Variants in SPATA17 observed in about 807,000 individuals in gnomAD.
The protein encoded by SPATA17 is spermatogenesis-associated protein 17.
Under a neutral mutation model 62.2 loss-of-function variants are expected in SPATA17, and 53 were observed. That is an observed-to-expected ratio of 0.85 (90% confidence interval 0.68 to 1.07). The LOEUF is 1.07. SPATA17 is among the 50% of genes least tolerant of loss of function. SPATA17 has a pLI of 0.00. For missense variants in SPATA17, 466 were observed against 425.5 expected (o/e 1.10, Z -0.84); for synonymous variants, 146 against 146.8 (o/e 0.99, Z 0.04).
Position 217,870,687 on chromosome 1 carries a change from A to G in SPATA17, c.*3668A>G, listed in dbSNP as rs1323322624. ...ACTACTGACCACTAAAAACACTAAG[A>G]GTACCACTGTGGATGTTTAAAAACA... On this transcript the variant is annotated 3_prime_UTR_variant, in exon 11 of 11. Transcript: ENST00000366933. The G allele has an allele frequency of 6.6e-6, 1 of 152,176 alleles. No homozygotes were observed. The highest frequency in any genetic ancestry group is 1.5e-5 in the Non-Finnish European group (1 of 68,032). The allele number at this position is 152,176 out of a possible 1,614,324, so 9.4% of individuals were successfully genotyped here.
At position 217,681,329 on chromosome 1, in the gene SPATA17, A is replaced by T. The variant is rs558741461; in HGVS notation, c.292-1929A>T. Among the ~76,000 whole-genome samples the T allele has an allele frequency of 9.9e-5, 15 of 152,194 alleles. No individual in the cohort carries two copies. The South Asian group carries it at 3.1e-3, about 32-fold the overall frequency. On this transcript the variant is annotated intron_variant, in intron 4 of 10. Coordinates refer to ENST00000366933, the MANE Select transcript of SPATA17 (RefSeq NM_138796.4). ...ATTTCCAGTTAGTTTAGTAATTCTCATATGGGGAGTCTGACAAAAACACTC... is the reference window on the plus strand; with the variant it reads ...ATTTCCAGTTAGTTTAGTAATTCTCTTATGGGGAGTCTGACAAAAACACTC...
At chr1:217,852,599 A>C (rs1029298546) in intron 9 of SPATA17, among the ~76,000 whole-genome samples, 1 of 152,196 alleles carries the variant, frequency 6.6e-6, no homozygotes, top group African/African-American at 2.4e-5. Flanking sequence ...ACGCTGTTTC[A>C]TTGCTTGATG....
intron 1 of SPATA17, among the ~76,000 whole-genome samples, chr1:217,637,162 C>T (rs932038433): frequency 6.6e-6 from 1 of 152,174 alleles, no homozygotes; most frequent in Non-Finnish European, 1.5e-5. Context: ...ATATCTACTA[C>T]ATGCTGAGCA....
rs1222300636 is a variant in SPATA17, at chr1:217,869,122, G to C, written c.*2103G>C. On this transcript the variant is annotated 3_prime_UTR_variant, in exon 11 of 11. Transcript: ENST00000366933. Reference sequence around the variant, plus strand: ...TACAACTTGGTTTTATACATTTTAAGGAGACATAAGACATCAATAAATACA... The same window carrying C: ...TACAACTTGGTTTTATACATTTTAACGAGACATAAGACATCAATAAATACA... 1.3e-5 allele frequency: 2 copies of C among 152,262 alleles called. No individual in the cohort carries two copies. The highest frequency in any genetic ancestry group is 1.3e-4 in the Admixed American group (2 of 15,270). 9.4% of individuals were successfully genotyped at this position (152,262 alleles called of 1,614,324 possible). A position where few individuals can be genotyped will look rare whatever the true frequency, so the allele number is the denominator to read the frequency against.
At chr1:217,750,547 C>A (rs1010593283) in intron 6 of SPATA17, among the ~76,000 whole-genome samples, 2 of 152,168 alleles carry the variant, frequency 1.3e-5, no homozygotes, top group Admixed American at 6.5e-5. Context: ...AAAACCAATT[C>A]TTAATTCGTA....
chr1:217,682,654 T>C (rs1671113932), intron 4 of SPATA17, among the ~76,000 whole-genome samples: 1 of 152,128 alleles, frequency 6.6e-6, no homozygotes, highest in Non-Finnish European at 1.5e-5. Flanking sequence ...GTAAATGAGG[T>C]AATGAGTATT....
intron 7 of SPATA17, chr1:217,781,362 C>T (rs1011173052): frequency 7.2e-5 from 11 of 152,124 alleles, no homozygotes; most frequent in Non-Finnish European, 1.2e-4. Flanking sequence ...CTCTCCTATA[C>T]GACAGTGATG....
chr1:217,690,917 C>A (rs1362023342), intron 5 of SPATA17, among the ~76,000 whole-genome samples: 1 of 146,440 alleles, frequency 6.8e-6, no homozygotes, highest in Non-Finnish European at 1.5e-5. Context: ...GGTTCCAAGT[C>A]TTTGCTATTG....
At chr1:217,841,593 T>A (rs556300451) in intron 9 of SPATA17, among the ~76,000 whole-genome samples, 24 of 152,042 alleles carry the variant, frequency 1.6e-4, no homozygotes, top group African/African-American at 5.5e-4. Context: ...TATTATTGAT[T>A]CCAATATTAC....
intron 9 of SPATA17, among the ~76,000 whole-genome samples, chr1:217,844,385 A>C (rs965176756): frequency 6.6e-6 from 1 of 152,048 alleles, no homozygotes; most frequent in African/African-American, 2.4e-5. Flanking sequence ...CAGGTAAAAG[A>C]ATGATGAAGA....
intron 9 of SPATA17, among the ~76,000 whole-genome samples, chr1:217,804,959 A>G (rs575263151): frequency 1.3e-5 from 2 of 152,328 alleles, no homozygotes; most frequent in South Asian, 2.1e-4. Flanking sequence ...TAGTACAGTC[A>G]TTATGGAAAA....
At chr1:217,842,167 A>C (rs1675422577) in intron 9 of SPATA17, among the ~76,000 whole-genome samples, 2 of 151,980 alleles carry the variant, frequency 1.3e-5, no homozygotes, top group Admixed American at 6.6e-5. Flanking sequence ...AATGAACTCT[A>C]ATCATGAGAT....
intron 3 of SPATA17, among the ~76,000 whole-genome samples, chr1:217,665,653 G>A (rs1045754891): frequency 2.6e-5 from 4 of 152,136 alleles, no homozygotes; most frequent in African/African-American, 9.7e-5. Flanking sequence ...AAAATACTCA[G>A]CCATGTATAC....
At chr1:217,644,652 A>G (rs1174532570) in intron 1 of SPATA17, among the ~76,000 whole-genome samples, 1 of 151,836 alleles carries the variant, frequency 6.6e-6, no homozygotes, top group East Asian at 1.9e-4. Flanking sequence ...TTCATTTTCT[A>G]CTTATTGTCA....
chr1:217,806,645 G>A (rs544990566), intron 9 of SPATA17, among the ~76,000 whole-genome samples: 31 of 152,090 alleles, frequency 2.0e-4, no homozygotes, highest in Non-Finnish European at 3.4e-4. Flanking sequence ...AAGTCCCTGA[G>A]TCCCATCATC....
chr1:217,763,692 C>T lies in SPATA17; in HGVS notation c.520-10642C>T, dbSNP rs530957038. On this transcript the variant is annotated intron_variant, in intron 6 of 10. Transcript: ENST00000366933. Reference sequence around the variant, plus strand: ...GAGAACCTGTAAGTGTGAAGCACTTCGGTAAAGATATTATGGTTGCTTGGA... The same window carrying T: ...GAGAACCTGTAAGTGTGAAGCACTTTGGTAAAGATATTATGGTTGCTTGGA... Among the ~76,000 whole-genome samples, 18 of 152,138 alleles carry T rather than the reference C, an allele frequency of 1.2e-4. No homozygotes were observed. The South Asian group carries it at 2.1e-3, about 18-fold the overall frequency.
intron 9 of SPATA17, among the ~76,000 whole-genome samples, chr1:217,822,165 G>A (rs1674879428): frequency 6.6e-6 from 1 of 152,020 alleles, no homozygotes; most frequent in African/African-American, 2.4e-5. Flanking sequence ...CAAATGTCTT[G>A]CAGAAAGATT....
At chr1:217,741,315 C>G (rs1346145906) in intron 5 of SPATA17, among the ~76,000 whole-genome samples, 1 of 152,036 alleles carries the variant, frequency 6.6e-6, no homozygotes, top group African/African-American at 2.4e-5. Flanking sequence ...CTTAGATACA[C>G]ATAAATAATG....
chr1:217,820,483 G>C (rs967275371), intron 9 of SPATA17, among the ~76,000 whole-genome samples: 2 of 151,670 alleles, frequency 1.3e-5, no homozygotes, highest in African/African-American at 4.8e-5. Context: ...CTTGAAAATG[G>C]ATTGAGTATG....
Sources: gnomAD v4.1 joint callset for allele counts (sites outside exome capture counted in the v4.1 genomes callset) on GRCh38, gnomAD v4.1.1 for gene constraint, MANE v1.5 for transcripts, NCBI Gene and HGNC (gene_info 2026-07-23, HGNC 2026-07-21) for gene names.